Variants in UBE3B observed in about 807,000 individuals in gnomAD.
The protein encoded by UBE3B is ubiquitin protein ligase E3B, also known as ubiquitin-protein ligase E3B.
In UBE3B, 80 loss-of-function variants were observed where a neutral mutation model predicts 132.3. The ratio of observed to expected loss-of-function variants is 0.60; its 90% CI spans 0.50 to 0.73. The LOEUF (loss-of-function observed/expected upper bound fraction) is 0.73. Ranked by LOEUF, UBE3B falls within the 30% of genes least tolerant of loss-of-function variation. The pLI is 0.00. For synonymous variants in UBE3B, 487 were observed against 520.4 expected, an observed-to-expected ratio of 0.94 and a Z score of 0.87; for missense variants, 1,196 against 1,362.5, an observed-to-expected ratio of 0.88 and a Z score of 1.92.
At position 109,497,935 on chromosome 12, in the gene UBE3B, C is replaced by T. The variant is rs1472188111; in HGVS notation, c.819+12C>T. On this transcript the variant is annotated intron_variant, in intron 10 of 27. Coordinates refer to ENST00000342494, the MANE Select transcript of UBE3B (RefSeq NM_130466.4). The stretch of plus-strand genomic sequence containing the variant: ...CAGTGACCCCTGAGGTAAGCAGGCT[C>T]TGTGAGTTCCCCGTGAAAACCCAAT... 1 of 1,613,170 alleles carries T rather than the reference C, an allele frequency of 6.2e-7. No individual in the cohort carries two copies. The highest frequency in any genetic ancestry group is 8.5e-7 in the Non-Finnish European group (1 of 1,179,230).
intron 4 of UBE3B, among the ~76,000 whole-genome samples, chr12:109,484,418 GTCTC>G (rs757940998): frequency 7.2e-5 from 11 of 152,172 alleles, no homozygotes; most frequent in South Asian, 6.2e-4. Flanking sequence ...TTGAGATGAA[GTCTC>G]TCTCTGTCGC....
At position 109,535,417 on chromosome 12, in the gene UBE3B, G is replaced by C. The variant is rs746229005; in HGVS notation, c.*635G>C. 6.6e-6 allele frequency: 1 copy of C among 152,326 alleles called. No individual in the cohort carries two copies. The highest frequency in any genetic ancestry group is 6.5e-5 in the Admixed American group (1 of 15,286). The allele number at this position is 152,326 out of a possible 1,614,324, so 9.4% of individuals were successfully genotyped here. A position where few individuals can be genotyped will look rare whatever the true frequency, so the allele number is the denominator to read the frequency against. On this transcript the variant is annotated 3_prime_UTR_variant, in exon 28 of 28. Transcript: ENST00000342494. ...CCTGCCTTGAAGCCACGCGCTCCAC[G>C]CCGCGGCCCTCCCATTTTCTGCGTC...
intron 8 of UBE3B, chr12:109,490,823 T>C: frequency 7.7e-7 from 1 of 1,298,306 alleles, no homozygotes; most frequent in Non-Finnish European, 1.0e-6. Context: ...TTTTGTTTTT[T>C]TGTTTTTTTT....
chr12:109,502,422 A>T (rs1165038314), intron 13 of UBE3B, among the ~76,000 whole-genome samples: 1 of 152,186 alleles, frequency 6.6e-6, no homozygotes, highest in Admixed American at 6.5e-5. Context: ...AAGGCCACTA[A>T]TGCATAATTT....
At chr12:109,542,763 A>G in the UBE3B span, among the ~76,000 whole-genome samples, 1 of 152,214 alleles carries the variant, frequency 6.6e-6, no homozygotes, top group Admixed American at 6.5e-5. Flanking sequence ...ATTCTCCTTC[A>G]CAGCCTGGAG....
chr12:109,518,189 C>T (rs1351394033), intron 19 of UBE3B, among the ~76,000 whole-genome samples: 1 of 152,134 alleles, frequency 6.6e-6, no homozygotes, highest in Non-Finnish European at 1.5e-5. Context: ...TGTAGCTCTA[C>T]TTGAGAAAAA....
rs539152935 is a variant in UBE3B at position 109,505,050 on chromosome 12, T to C, written c.1450+1860T>C. Among the ~76,000 whole-genome samples, 11 of 152,234 alleles carry C rather than the reference T, an allele frequency of 7.2e-5. No homozygotes were observed. The South Asian group carries it at 2.3e-3, about 32-fold the overall frequency. On this transcript the variant is annotated intron_variant, in intron 14 of 27. Transcript: ENST00000342494. ...GGTCTCGATCTCCTGTGTGTCCAGC[T>C]TTTTAAATGAGCTCACATTGAAGCT... is the stretch of plus-strand genomic sequence containing the variant.
At chr12:109,481,378 T>G (rs912091680) in intron 1 of UBE3B, among the ~76,000 whole-genome samples, 1 of 152,100 alleles carries the variant, frequency 6.6e-6, no homozygotes, top group African/African-American at 2.4e-5. Flanking sequence ...CCATGACCTC[T>G]AAGTTATTTT....
chr12:109,541,540 TG>T (rs201226299), downstream of UBE3B, among the ~76,000 whole-genome samples: 191 of 152,380 alleles, frequency 1.3e-3, 3 homozygotes, highest in East Asian at 0.036. Context: ...TCCTTGGCCT[TG>T]GGGCCAGGCA....
chr12:109,490,712 T>C (rs1161719322), intron 8 of UBE3B: 1 of 1,436,000 alleles, frequency 7.0e-7, no homozygotes. Context: ...TTAAAGAATT[T>C]CTAACCATAA....
intron 24 of UBE3B, among the ~76,000 whole-genome samples, chr12:109,527,731 G>GT (rs1463333058): frequency 6.9e-6 from 1 of 144,022 alleles, no homozygotes; most frequent in East Asian, 1.9e-4. Context: ...GCCCAGCCAG[G>GT]GCCAGAGAGA....
At chr12:109,496,763 T>C (rs1289441532) in intron 9 of UBE3B, among the ~76,000 whole-genome samples, 2 of 152,256 alleles carry the variant, frequency 1.3e-5, no homozygotes, top group Non-Finnish European at 2.9e-5. Flanking sequence ...GTGAGTTCTT[T>C]ATATGCTCTA....
chr12:109,522,711 G>A lies in UBE3B; in HGVS notation c.2364+1160G>A, dbSNP rs901676450. Among the ~76,000 whole-genome samples the A allele has an allele frequency of 6.6e-6, 1 of 152,120 alleles. No homozygotes were observed. Among genetic ancestry groups the A allele is most frequent in the Non-Finnish European group, 1.5e-5 (1 of 68,028 alleles). ...TGTCTGGAAACAGTCTATGTGCACC[G>A]GCCTCAGTCCCTGGCCATGATGGAA... On this transcript the variant is annotated intron_variant, in intron 21 of 27. Transcript: ENST00000342494. The surrounding 1 kb of genome is among the most constrained non-coding windows in gnomAD (Gnocchi z 4.2).
intron 9 of UBE3B, among the ~76,000 whole-genome samples, chr12:109,495,909 C>T (rs781119404): frequency 2.6e-5 from 4 of 152,230 alleles, no homozygotes; most frequent in African/African-American, 7.2e-5. Flanking sequence ...ACGGCCATCA[C>T]GAACATGTCA....
At chr12:109,533,642 T>A in intron 27 of UBE3B, 84 bp downstream of exon 27, 2 of 1,289,472 alleles carry the variant, frequency 1.6e-6, no homozygotes, top group Non-Finnish European at 2.2e-6. Context: ...GGCCCTTATC[T>A]AGTCCATATC....
At chr12:109,529,115 C>G (rs765271130) in intron 24 of UBE3B, among the ~76,000 whole-genome samples, 1 of 152,118 alleles carries the variant, frequency 6.6e-6, no homozygotes, top group Non-Finnish European at 1.5e-5. Flanking sequence ...GAGCTGAGAT[C>G]GCACCACTGC....
intron 4 of UBE3B, among the ~76,000 whole-genome samples, chr12:109,485,547 C>G (rs912808344): frequency 6.6e-6 from 1 of 152,188 alleles, no homozygotes; most frequent in African/African-American, 2.4e-5. Context: ...AACCTGTTTT[C>G]TAGTTTCCAC....
chr12:109,486,902 G>A lies in UBE3B; in HGVS notation c.447+327G>A, dbSNP rs146533231. ...CTTGTTAAAAGTACAGAAGCCGAAC[G>A]TGAGCACAGCTAGTATCACGTACCA... On this transcript the variant is annotated intron_variant, in intron 6 of 27. Coordinates refer to ENST00000342494, the MANE Select transcript of UBE3B (RefSeq NM_130466.4). Among the ~76,000 whole-genome samples, 434 of 152,274 alleles carry A rather than the reference G, an allele frequency of 2.9e-3. 4 individuals are homozygous for A. The highest frequency in any genetic ancestry group is 0.01 in the African/African-American group (420 of 41,556).
At chr12:109,533,640 T>C (rs1177441049) in intron 27 of UBE3B, 82 bp downstream of exon 27, 2 of 1,303,566 alleles carry the variant, frequency 1.5e-6, no homozygotes, top group Non-Finnish European at 2.2e-6. Context: ...AAGGCCCTTA[T>C]CTAGTCCATA....
Sources: gnomAD v4.1 joint callset for allele counts (sites outside exome capture counted in the v4.1 genomes callset) on GRCh38, gnomAD v4.1.1 for gene constraint, Gnocchi (gnomAD v3.1) non-coding constraint, MANE v1.5 for transcripts, NCBI Gene and HGNC (gene_info 2026-07-23, HGNC 2026-07-21) for gene names.